TJP1: variants seen among roughly 807,000 people sequenced by gnomAD.
The protein encoded by TJP1 is tight junction protein 1.
TJP1 carries 43 observed loss-of-function variants against 194.2 expected under a neutral mutation model. That is an observed-to-expected ratio of 0.22 (90% CI 0.17 to 0.29). The LOEUF is 0.29. TJP1 is among the 10% of genes least tolerant of loss of function. The pLI is 1.00. For synonymous variants in TJP1, 801 were observed against 779.0 expected (o/e 1.03, Z -0.47); for missense variants, 1,971 against 2,185.7 (o/e 0.90, Z 1.96).
chr15:29,913,196 A>T (rs1188176028), intron 2 of TJP1, among the ~76,000 whole-genome samples: 1 of 146,372 alleles, frequency 6.8e-6, no homozygotes, highest in Non-Finnish European at 1.5e-5. Flanking sequence ...TCACAAAAAA[A>T]AAAGGGGGTA....
intron 4 of TJP1, among the ~76,000 whole-genome samples, chr15:29,770,201 C>A (rs77654891): frequency 0.037 from 5,691 of 152,254 alleles, 143 homozygotes; most frequent in Non-Finnish European, 0.058. Flanking sequence ...AATCCCAGAA[C>A]TTTGGGAGGC....
At chr15:29,933,683 T>C (rs558402833) in intron 2 of TJP1, among the ~76,000 whole-genome samples, 1 of 152,272 alleles carries the variant, frequency 6.6e-6, no homozygotes, top group South Asian at 2.1e-4. Context: ...AATCAAGCTT[T>C]TTTTCAAGAT....
At position 29,894,415 on chromosome 15, in the gene TJP1, C is replaced by G. The variant is rs181270886; in HGVS notation, c.306+61817G>C. ...CGGAAGTTGCAGTGAGCCAACATCA[C>G]GCCACTGCACTCCAGCCTGGGTGAC... On this transcript the variant is annotated intron_variant, in intron 2 of 28. Coordinates refer to the TJP1 transcript ENST00000356107. 2.6e-5 allele frequency among the ~76,000 whole-genome samples: 4 copies of G among 152,296 alleles called. No homozygotes were observed. The East Asian group carries it at 7.7e-4, about 29-fold the overall frequency.
chr15:29,720,531 CATT>C lies in TJP1; in HGVS notation c.2587_2589del (p.Asn863del), dbSNP rs756167495. ...GACTCCGGTGGAGTCCCAACCTCAT[CATT>C]AAGAGTTTCATCTAGTTCTTGATCA... On this transcript the variant is annotated inframe_deletion, in exon 19 of 28. Coordinates refer to ENST00000614355, the MANE Select transcript of TJP1 (RefSeq NM_001330239.4). 2.5e-6 allele frequency: 4 copies of C among 1,613,966 alleles called. No homozygotes were observed. The highest frequency in any genetic ancestry group is 3.4e-6 in the Non-Finnish European group (4 of 1,180,026).
Position 29,718,097 on chromosome 15 carries a change from G to C in TJP1, c.3898C>G (p.Pro1300Ala), listed in dbSNP as rs749998929. The C allele has an allele frequency of 6.2e-7, 1 of 1,601,474 alleles. No homozygotes were observed. Among genetic ancestry groups the C allele is most frequent in the Non-Finnish European group, 8.5e-7 (1 of 1,173,106 alleles). The change falls in exon 22 of 28, where the codon CCT becomes GCT. Residue 1300 changes from proline to alanine, a missense_variant. This residue lies in a region of TJP1 where 1,108 missense variants were observed against 1,128.5 expected (regional missense o/e 0.98). Coordinates refer to ENST00000614355, the MANE Select transcript of TJP1 (RefSeq NM_001330239.4). ...GGACCAATGATGGGAGCACCTGAAG[G>C]TTTAGATGCTACTTCTGGAGGCTGT... ...SFKPPEVASK[P>A]SGAPIIGPKP...
intron 2 of TJP1, among the ~76,000 whole-genome samples, chr15:29,901,378 T>G (rs900453102): frequency 6.6e-6 from 1 of 152,206 alleles, no homozygotes. Flanking sequence ...TAACATTACC[T>G]TGTACACCTC....
At chr15:29,907,801 CTT>C (rs1216373547) in intron 2 of TJP1, among the ~76,000 whole-genome samples, 1 of 151,960 alleles carries the variant, frequency 6.6e-6, no homozygotes, top group African/African-American at 2.4e-5. Context: ...CCCGCGACCT[CTT>C]TTTCTTTTGC....
chr15:29,702,713 A>G (rs1448843492), intron 27 of TJP1, among the ~76,000 whole-genome samples: 1 of 152,230 alleles, frequency 6.6e-6, no homozygotes, highest in Non-Finnish European at 1.5e-5. Context: ...CTGGAGCCAA[A>G]AGCATTTCAT....
intron 1 of TJP1, among the ~76,000 whole-genome samples, chr15:29,803,789 C>T (rs1323396887): frequency 2.0e-5 from 3 of 152,062 alleles, no homozygotes; most frequent in African/African-American, 7.2e-5. Flanking sequence ...AACATAATTG[C>T]TCTCACCATT....
At chr15:29,947,957 GTTACT>G (rs1028524309) in intron 2 of TJP1, among the ~76,000 whole-genome samples, 3 of 152,294 alleles carry the variant, frequency 2.0e-5, no homozygotes, top group African/African-American at 7.2e-5. Flanking sequence ...AAATGCTCCT[GTTACT>G]TTACTTTAAA....
intron 2 of TJP1, among the ~76,000 whole-genome samples, chr15:29,785,511 G>C (rs753359069): frequency 1.6e-4 from 25 of 152,104 alleles, no homozygotes; most frequent in Non-Finnish European, 3.5e-4. Context: ...AAAAATTCCT[G>C]AAAGTTGCTC....
intron 1 of TJP1, among the ~76,000 whole-genome samples, chr15:29,967,439 G>T (rs76073371): frequency 6.6e-6 from 1 of 151,988 alleles, no homozygotes; most frequent in South Asian, 2.1e-4. Context: ...ATTAAGCCAA[G>T]CACAGTGGTA....
intron 26 of TJP1, among the ~76,000 whole-genome samples, chr15:29,705,278 T>G (rs987916311): frequency 1.3e-5 from 2 of 152,154 alleles, no homozygotes; most frequent in African/African-American, 4.8e-5. Context: ...AGGTGAGACA[T>G]CCCGTGGCCT....
chr15:29,753,139 C>T (rs2045398953), intron 8 of TJP1, among the ~76,000 whole-genome samples: 1 of 152,160 alleles, frequency 6.6e-6, no homozygotes, highest in Admixed American at 6.5e-5. Flanking sequence ...TATGTATTTG[C>T]TTTGGATATA....
chr15:29,914,555 C>A (rs935082233), intron 2 of TJP1, among the ~76,000 whole-genome samples: 2 of 152,068 alleles, frequency 1.3e-5, no homozygotes, highest in African/African-American at 4.8e-5. Context: ...CAGGGCAGGG[C>A]AAGAGTGTCA....
At chr15:29,862,808 T>C (rs1028308004) in intron 2 of TJP1, among the ~76,000 whole-genome samples, 17 of 151,364 alleles carry the variant, frequency 1.1e-4, no homozygotes, top group Non-Finnish European at 1.6e-4. Flanking sequence ...CCACCACGCC[T>C]GGCTAATTTT....
intron 2 of TJP1, among the ~76,000 whole-genome samples, chr15:29,927,822 G>A (rs547181775): frequency 3.4e-4 from 52 of 152,224 alleles, no homozygotes; most frequent in African/African-American, 1.3e-3. Flanking sequence ...CAGGGAGCTT[G>A]GTTAATTTGG....
intron 2 of TJP1, among the ~76,000 whole-genome samples, chr15:29,924,008 C>T (rs754571054): frequency 6.6e-5 from 10 of 152,234 alleles, no homozygotes; most frequent in Non-Finnish European, 1.5e-4. Context: ...AAAAAGCTAT[C>T]TGACATATTG....
chr15:29,821,987 C>CGCGGAGGCGCTCACCTTG lies in TJP1; in HGVS notation c.24_27+14dup. 1 of 1,312,612 alleles carries CGCGGAGGCGCTCACCTTG rather than the reference C, an allele frequency of 7.6e-7. No homozygotes were observed. The allele number at this position is 1,312,612 out of a possible 1,614,324, so 81.3% of individuals were successfully genotyped here. A position where few individuals can be genotyped will look rare whatever the true frequency, so the allele number is the denominator to read the frequency against. Reference sequence around the variant, plus strand: ...GTCGGCCCGGTCTGGCCCTGGCGGCCGCGGAGGCGCTCACCTTGGCGGCCG... The same window carrying CGCGGAGGCGCTCACCTTG: ...GTCGGCCCGGTCTGGCCCTGGCGGCCGCGGAGGCGCTCACCTTGGCGGAGGCGCTCACCTTGGCGGCCG... On this transcript the variant is annotated intron_variant, in intron 1 of 27. Coordinates refer to ENST00000614355, the MANE Select transcript of TJP1 (RefSeq NM_001330239.4).
Sources: allele counts gnomAD v4.1 joint callset (sites outside exome capture counted in the v4.1 genomes callset), GRCh38; gene constraint gnomAD v4.1.1; regional missense constraint gnomAD v4.1.1; transcripts MANE v1.5; gene names NCBI Gene and HGNC (gene_info 2026-07-23, HGNC 2026-07-21).